SPAG16: variants seen among roughly 807,000 people sequenced by gnomAD.
The protein encoded by SPAG16 is sperm associated antigen 16.
A neutral mutation model predicts 80.4 loss-of-function variants in SPAG16; 86 were observed. That is an observed-to-expected ratio of 1.07 (90% CI 0.90 to 1.28). SPAG16 has a LOEUF of 1.28. Ranked by LOEUF, SPAG16 falls within the 50% of genes most tolerant of loss-of-function variation. SPAG16 has a pLI of 0.00. For missense variants in SPAG16, 870 were observed against 765.3 expected (o/e 1.14, Z -1.61); for synonymous variants, 294 against 265.9 (o/e 1.11, Z -1.03).
At chr2:214,135,542 A>G (rs2055001429) in intron 14 of SPAG16, among the ~76,000 whole-genome samples, 1 of 152,146 alleles carries the variant, frequency 6.6e-6, no homozygotes, top group Middle Eastern at 3.4e-3. Context: ...TTCCAGTGTA[A>G]TGGTGTTGGA....
At chr2:214,248,328 A>G (rs1389400561) in intron 15 of SPAG16, among the ~76,000 whole-genome samples, 2 of 126,450 alleles carry the variant, frequency 1.6e-5, no homozygotes, top group African/African-American at 3.0e-5. Flanking sequence ...TATTATTATT[A>G]TTATTATTGA....
intron 9 of SPAG16, among the ~76,000 whole-genome samples, chr2:213,424,761 C>T (rs1397605458): frequency 6.6e-6 from 1 of 152,188 alleles, no homozygotes; most frequent in Non-Finnish European, 1.5e-5. Flanking sequence ...TACCCTTTTA[C>T]AATTTGAGCT....
chr2:213,829,937 CTT>C (rs1474106664), intron 10 of SPAG16, among the ~76,000 whole-genome samples: 1 of 152,086 alleles, frequency 6.6e-6, no homozygotes, highest in Non-Finnish European at 1.5e-5. Flanking sequence ...GAAGGGGTCT[CTT>C]TTGGAGCTGT....
chr2:213,656,242 C>T (rs1161270907), intron 10 of SPAG16, among the ~76,000 whole-genome samples: 2 of 152,198 alleles, frequency 1.3e-5, no homozygotes, highest in Non-Finnish European at 2.9e-5. Flanking sequence ...GTCGCCCAGG[C>T]GACCTCGGCT....
chr2:213,761,587 C>T (rs1421826435), intron 10 of SPAG16, among the ~76,000 whole-genome samples: 1 of 152,078 alleles, frequency 6.6e-6, no homozygotes, highest in East Asian at 1.9e-4. Flanking sequence ...TCAGGCTGGG[C>T]ACGGTGGCTC....
intron 12 of SPAG16, among the ~76,000 whole-genome samples, chr2:214,011,548 G>A (rs1476393431): frequency 2.0e-5 from 3 of 152,118 alleles, no homozygotes; most frequent in Non-Finnish European, 4.4e-5. Flanking sequence ...TGGGAAAGCA[G>A]CAATAGACAA....
intron 13 of SPAG16, among the ~76,000 whole-genome samples, chr2:214,077,551 T>C (rs1349326258): frequency 6.6e-6 from 1 of 152,252 alleles, no homozygotes; most frequent in Non-Finnish European, 1.5e-5. Flanking sequence ...TCTAGTCACT[T>C]GTCCTGAGAG....
intron 9 of SPAG16, among the ~76,000 whole-genome samples, chr2:213,463,931 G>A (rs1264972797): frequency 6.6e-6 from 1 of 152,196 alleles, no homozygotes; most frequent in Non-Finnish European, 1.5e-5. Flanking sequence ...GACCTTCACT[G>A]CCAAAGGAGT....
chr2:213,350,969 CAAA>C (rs11320402), intron 7 of SPAG16, among the ~76,000 whole-genome samples: 191 of 141,014 alleles, frequency 1.4e-3, no homozygotes, highest in Middle Eastern at 7.4e-3. Flanking sequence ...ACTAAAAATA[CAAA>C]AAAAAAAAAA....
At chr2:213,775,088 G>A (rs113802078) in intron 10 of SPAG16, among the ~76,000 whole-genome samples, 3,535 of 152,232 alleles carry the variant, frequency 0.023, 135 homozygotes, top group African/African-American at 0.079. Context: ...TTTTCTTCTA[G>A]CCGGCATTTA....
At chr2:213,509,296 A>G (rs113432445) in intron 10 of SPAG16, among the ~76,000 whole-genome samples, 91 of 152,178 alleles carry the variant, frequency 6.0e-4, no homozygotes, top group Middle Eastern at 3.4e-3. Flanking sequence ...TATATTTTCT[A>G]TTTCCAGATA....
chr2:214,022,763 T>A (rs1319749593), intron 13 of SPAG16, among the ~76,000 whole-genome samples: 1 of 152,058 alleles, frequency 6.6e-6, no homozygotes, highest in African/African-American at 2.4e-5. Flanking sequence ...ACTCAAGAAC[T>A]TGTGTCATGT....
At chr2:213,433,493 C>A (rs80039769) in intron 9 of SPAG16, among the ~76,000 whole-genome samples, 10,358 of 152,172 alleles carry the variant, frequency 0.068, 1,146 homozygotes, top group African/African-American at 0.23. Flanking sequence ...AATGTAATCT[C>A]ATTTACAATA....
intron 10 of SPAG16, among the ~76,000 whole-genome samples, chr2:213,564,737 C>T (rs1215350159): frequency 2.6e-5 from 4 of 152,236 alleles, no homozygotes; most frequent in East Asian, 1.9e-4. Context: ...GAGTACTTAA[C>T]GTTCATTAAC....
intron 12 of SPAG16, among the ~76,000 whole-genome samples, chr2:213,932,823 G>A (rs1287580803): frequency 6.6e-6 from 1 of 152,140 alleles, no homozygotes; most frequent in Non-Finnish European, 1.5e-5. Context: ...AATTATCTAT[G>A]ACACTCAGTC....
At chr2:213,658,672 A>C (rs2063309512) in intron 10 of SPAG16, among the ~76,000 whole-genome samples, 1 of 152,214 alleles carries the variant, frequency 6.6e-6, no homozygotes. Flanking sequence ...GAGTCTTTGC[A>C]CTTAACCATA....
chr2:213,598,616 T>C (rs1381566326), intron 10 of SPAG16, among the ~76,000 whole-genome samples: 1 of 152,234 alleles, frequency 6.6e-6, no homozygotes, highest in East Asian at 1.9e-4. Context: ...TTGTTTCTTA[T>C]GTTTTCTCTG....
intron 15 of SPAG16, among the ~76,000 whole-genome samples, chr2:214,362,060 A>C (rs180870346): frequency 6.6e-6 from 1 of 151,890 alleles, no homozygotes; most frequent in Non-Finnish European, 1.5e-5. Context: ...CCCAAATTTC[A>C]GTAACCTACA....
intron 13 of SPAG16, among the ~76,000 whole-genome samples, chr2:214,085,808 A>G (rs963090823): frequency 3.3e-4 from 50 of 152,332 alleles, no homozygotes; most frequent in African/African-American, 1.1e-3. Context: ...TCACAGTGAC[A>G]TAGCTATCTA....
Sources: allele counts gnomAD v4.1 joint callset (sites outside exome capture counted in the v4.1 genomes callset), GRCh38; gene constraint gnomAD v4.1.1; transcripts MANE v1.5; gene names NCBI Gene and HGNC (gene_info 2026-07-23, HGNC 2026-07-21).